Variants in NPFFR2 observed in about 807,000 individuals in gnomAD.
NPFFR2 encodes neuropeptide FF receptor 2.
A neutral mutation model predicts 13.1 loss-of-function variants in NPFFR2; 15 were observed. The observed-to-expected ratio is 1.15, with a 90% CI of 0.77 to 1.76. The LOEUF (loss-of-function observed/expected upper bound fraction) is 1.76, where lower values mean the gene tolerates loss of function less well. NPFFR2 is among the 40% of genes most tolerant of loss of function. The pLI, the probability that NPFFR2 is intolerant of heterozygous loss-of-function variation, is 0.00. For missense variants in NPFFR2, 572 were observed against 503.5 expected, an observed-to-expected ratio of 1.14 and a Z score of -1.30; for synonymous variants, 190 against 175.7, an observed-to-expected ratio of 1.08 and a Z score of -0.65.
chr4:72,053,818 C>T (rs903640475), intron 1 of NPFFR2, among the ~76,000 whole-genome samples: 1 of 151,778 alleles, frequency 6.6e-6, no homozygotes, highest in Non-Finnish European at 1.5e-5. Context: ...AGTGTTAAAA[C>T]AGAAAGAACA....
intron 1 of NPFFR2, among the ~76,000 whole-genome samples, chr4:72,085,897 C>T (rs568824947): frequency 6.6e-6 from 1 of 152,070 alleles, no homozygotes; most frequent in Non-Finnish European, 1.5e-5. Flanking sequence ...TCACAGCAAG[C>T]CAAAATCTAA....
intron 1 of NPFFR2, among the ~76,000 whole-genome samples, chr4:72,102,579 T>C (rs1223224000): frequency 2.3e-5 from 3 of 133,228 alleles, no homozygotes; most frequent in Admixed American, 9.0e-5. Flanking sequence ...CCTGTGTCCA[T>C]GTGTTCTCAT....
Position 72,127,355 on chromosome 4 carries a change from C to CTTTT in NPFFR2, c.-7-1229_-7-1226dup, listed in dbSNP as rs1341571145. ...AAGTCATACAGATTCTAAATAATTT[C>CTTTT]TTTTCTTTTTTTTTTTTTTTTTTTT... On this transcript the variant is annotated intron_variant, in intron 1 of 3. Transcript: ENST00000308744. Among the ~76,000 whole-genome samples, 492 of 91,190 alleles carry CTTTT rather than the reference C, an allele frequency of 5.4e-3. 51 individuals are homozygous for CTTTT. The highest frequency in any genetic ancestry group is 0.022 in the African/African-American group (470 of 21,702). 59.8% of individuals were successfully genotyped at this position (91,190 alleles called of 152,430 possible). A position where few individuals can be genotyped will look rare whatever the true frequency, so the allele number is the denominator to read the frequency against.
At position 72,147,662 on chromosome 4, in the gene NPFFR2, G is replaced by T; in HGVS notation, c.1113G>T (p.Val371=). The T allele has an allele frequency of 6.2e-7, 1 of 1,614,116 alleles. No individual in the cohort carries two copies. Among genetic ancestry groups the T allele is most frequent in the African/African-American group, 1.3e-5 (1 of 75,024 alleles). The change falls in exon 4 of 4, where the codon GTG becomes GTT. Residue 371 remains valine (V), a synonymous_variant. Coordinates refer to ENST00000308744, the MANE Select transcript of NPFFR2 (RefSeq NM_004885.3). ...ATGCCCTAAAAGCTAAAAGCCATGT[G>T]CTCATAAACACATCTAATCAGCTTG... The part of the protein sequence containing the change: ...EAYALKAKSH[V]LINTSNQLVQ...
chr4:72,092,861 C>A, intron 1 of NPFFR2, among the ~76,000 whole-genome samples: 1 of 152,222 alleles, frequency 6.6e-6, no homozygotes, highest in South Asian at 2.1e-4. Context: ...AAATGTGAGA[C>A]TCTAGTCAAT....
intron 3 of NPFFR2, among the ~76,000 whole-genome samples, chr4:72,144,571 G>A (rs1405892152): frequency 6.6e-6 from 1 of 151,654 alleles, no homozygotes; most frequent in Non-Finnish European, 1.5e-5. Context: ...TGAATCCTTT[G>A]CCTGAATTTT....
At chr4:72,114,584 TACA>T (rs968080901) in intron 1 of NPFFR2, among the ~76,000 whole-genome samples, 35 of 152,284 alleles carry the variant, frequency 2.3e-4, no homozygotes, top group African/African-American at 8.4e-4. Flanking sequence ...ATTATTTGAG[TACA>T]ACATGAATAT....
intron 1 of NPFFR2, among the ~76,000 whole-genome samples, chr4:72,066,498 TTTC>T (rs1052437651): frequency 6.6e-6 from 1 of 152,168 alleles, no homozygotes; most frequent in Non-Finnish European, 1.5e-5. Flanking sequence ...CATTTAAATA[TTTC>T]TCAATCAGAT....
intron 3 of NPFFR2, among the ~76,000 whole-genome samples, chr4:72,140,375 T>C (rs866079412): frequency 6.6e-6 from 1 of 152,234 alleles, no homozygotes; most frequent in South Asian, 2.1e-4. Flanking sequence ...GCCCATTCAG[T>C]ATAATGTTGG....
intron 1 of NPFFR2, among the ~76,000 whole-genome samples, chr4:72,116,503 C>T (rs547822518): frequency 3.3e-5 from 5 of 151,906 alleles, no homozygotes; most frequent in Non-Finnish European, 5.9e-5. Flanking sequence ...ATTCGTACCC[C>T]GAACCTCACC....
intron 1 of NPFFR2, among the ~76,000 whole-genome samples, chr4:72,120,497 A>G (rs1261655701): frequency 6.6e-6 from 1 of 152,134 alleles, no homozygotes; most frequent in African/African-American, 2.4e-5. Flanking sequence ...GACACCTCAA[A>G]CAGGAGAGCT....
At chr4:72,145,070 A>G (rs1407171983) in intron 3 of NPFFR2, among the ~76,000 whole-genome samples, 3 of 152,070 alleles carry the variant, frequency 2.0e-5, no homozygotes, top group Non-Finnish European at 2.9e-5. Context: ...TTTTTAGCAG[A>G]ATTTTAGTAA....
intron 1 of NPFFR2, among the ~76,000 whole-genome samples, chr4:72,105,979 G>A (rs1334235171): frequency 2.0e-5 from 3 of 151,916 alleles, no homozygotes; most frequent in African/African-American, 7.2e-5. Context: ...TTGTAAAGAG[G>A]AGTCATTAAC....
intron 1 of NPFFR2, among the ~76,000 whole-genome samples, chr4:72,052,986 C>G (rs1379802858): frequency 6.6e-6 from 1 of 151,798 alleles, no homozygotes; most frequent in Non-Finnish European, 1.5e-5. Flanking sequence ...AGTTGTCCTG[C>G]CTTTCTGGAC....
chr4:72,133,395 A>G (rs1210165534), intron 2 of NPFFR2, among the ~76,000 whole-genome samples: 3 of 152,058 alleles, frequency 2.0e-5, no homozygotes, highest in Middle Eastern at 3.4e-3. Flanking sequence ...GTACCATGCT[A>G]TTTTCATTAC....
At chr4:72,043,217 G>A (rs1024346572) in intron 1 of NPFFR2, among the ~76,000 whole-genome samples, 2 of 152,152 alleles carry the variant, frequency 1.3e-5, no homozygotes, top group African/African-American at 4.8e-5. Context: ...AAGAATGTAT[G>A]GAAGTGCCTG....
In NPFFR2 at chr4:72,147,627, A is replaced by G. The variant is rs145611919; in HGVS notation, c.1078A>G (p.Met360Val). The G allele has an allele frequency of 2.0e-4, 321 of 1,614,166 alleles. 1 individual carries two copies. The highest frequency in any genetic ancestry group is 6.6e-4 in the Middle Eastern group (4 of 6,062). Residue 360 changes from methionine (M) to valine (V), a missense_variant, in exon 4 of 4, where the codon ATG (methionine) becomes GTG (valine). Coordinates refer to ENST00000308744, the MANE Select transcript of NPFFR2 (RefSeq NM_004885.3). ...LQLCQKRAKPMEAYALKAKSH... is the reference protein window; with the variant it reads ...LQLCQKRAKPVEAYALKAKSH... ...GCTCTGCCAAAAAAGAGCAAAGCCTATGGAAGCTTATGCCCTAAAAGCTAA... is the reference window on the plus strand; with the variant it reads ...GCTCTGCCAAAAAAGAGCAAAGCCTGTGGAAGCTTATGCCCTAAAAGCTAA...
intron 1 of NPFFR2, among the ~76,000 whole-genome samples, chr4:72,115,132 G>A (rs1721676115): frequency 6.6e-6 from 1 of 152,046 alleles, no homozygotes; most frequent in African/African-American, 2.4e-5. Context: ...TGGCCAATAT[G>A]TTGTTTCTAA....
At chr4:72,036,714 C>T (rs1296977345) in intron 1 of NPFFR2, among the ~76,000 whole-genome samples, 1 of 151,302 alleles carries the variant, frequency 6.6e-6, no homozygotes, top group African/African-American at 2.4e-5. Flanking sequence ...CATAGACAGA[C>T]TAATCTTAAG....
Sources: gnomAD v4.1 joint callset for allele counts (sites outside exome capture counted in the v4.1 genomes callset) on GRCh38, gnomAD v4.1.1 for gene constraint, MANE v1.5 for transcripts, NCBI Gene and HGNC (gene_info 2026-07-23, HGNC 2026-07-21) for gene names.